The following VPS8 variants were observed in gnomAD, a reference collection of about 807,000 sequenced individuals.
VPS8 encodes the protein VPS8 subunit of CORVET complex.
In VPS8, 129 loss-of-function variants were observed where a neutral mutation model predicts 216.4. The observed-to-expected ratio is 0.60, with a 90% CI of 0.52 to 0.69. VPS8 has a LOEUF of 0.69. VPS8 is among the 30% of genes least tolerant of loss of function. The pLI, the probability that VPS8 is intolerant of heterozygous loss-of-function variation, is 0.00. For synonymous variants in VPS8, 571 were observed against 565.4 expected, an observed-to-expected ratio of 1.01 and a Z score of -0.14; for missense variants, 1,531 against 1,683.5, an observed-to-expected ratio of 0.91 and a Z score of 1.59.
rs569175323 is a variant in VPS8, at chr3:184,830,793, C to A, written c.223-1896C>A. ...CTTTTCCTACAGCAATCGTTCCAAT[C>A]TTTATAGCACTTAAGCAACATAATG... On this transcript the variant is annotated intron_variant, in intron 3 of 47. Coordinates refer to ENST00000625842, the MANE Select transcript of VPS8 (RefSeq NM_001009921.3). Among the ~76,000 whole-genome samples, 5 of 152,322 alleles carry A rather than the reference C, an allele frequency of 3.3e-5. No homozygotes were observed. The South Asian group carries it at 1.0e-3, about 32-fold the overall frequency.
chr3:184,980,561 G>T (rs1392933284), intron 40 of VPS8, among the ~76,000 whole-genome samples: 2 of 151,600 alleles, frequency 1.3e-5, no homozygotes, highest in Admixed American at 6.6e-5. Context: ...TTTATTTGAA[G>T]AACTGGTCTT....
At chr3:184,928,420 G>A in intron 31 of VPS8, 31 bp from the exon 32 acceptor site, 1 of 1,511,178 alleles carries the variant, frequency 6.6e-7, no homozygotes, top group Non-Finnish European at 8.8e-7. Flanking sequence ...AAATTCTCAA[G>A]TGTTTTTACT....
intron 34 of VPS8, among the ~76,000 whole-genome samples, chr3:184,931,598 A>T (rs75036243): frequency 0.031 from 4,792 of 152,260 alleles, 265 homozygotes; most frequent in African/African-American, 0.11. Context: ...TTGTGAAATA[A>T]CTGGCACGAA....
intron 42 of VPS8, among the ~76,000 whole-genome samples, chr3:184,984,538 C>T (rs1668882818): frequency 6.6e-6 from 1 of 151,980 alleles, no homozygotes; most frequent in South Asian, 2.1e-4. Context: ...GGTGATCCGC[C>T]CGCCTCAGCC....
intron 40 of VPS8, chr3:184,982,289 G>C (rs1750337007): frequency 2.7e-6 from 1 of 366,656 alleles, no homozygotes; most frequent in Non-Finnish European, 4.9e-6. Flanking sequence ...TAAGATTGCA[G>C]TTCCGAGGCC....
Position 184,924,937 on chromosome 3 carries a change from A to G in VPS8, c.2530A>G (p.Lys844Glu). ...LFTFLARQLAKPDNTLFVNRT... is the reference protein window; with the variant it reads ...LFTFLARQLAEPDNTLFVNRT... ...TACCTTCCTTGCTCGGCAGCTTGCA[A>G]AGCCTGACAACACCTTGTTTGTAAA... Residue 844 changes from lysine to glutamate, a missense_variant, in exon 30 of 48, where the codon AAG becomes GAG. By Grantham distance (56) the Lys-to-Glu change is moderately conservative. Around this residue, in one of 3 missense-constraint regions of VPS8, gnomAD observed 1,318 missense variants for 1,468.4 expected, o/e 0.90. Coordinates refer to ENST00000625842, the MANE Select transcript of VPS8 (RefSeq NM_001009921.3). The G allele has an allele frequency of 6.2e-7, 1 of 1,613,796 alleles. No homozygotes were observed. The highest frequency in any genetic ancestry group is 1.1e-5 in the South Asian group (1 of 91,068).
In VPS8 at chr3:184,973,152, A is replaced by T. The variant is rs143889729; in HGVS notation, c.3420+1400A>T. On this transcript the variant is annotated intron_variant, in intron 40 of 47. Transcript: ENST00000625842. ...AGAAACTGTCTGTGAAATGATACAT[A>T]CTCATCATTTTTAAAAATCATGAAA... Among the ~76,000 whole-genome samples the T allele has an allele frequency of 5.3e-5, 8 of 152,328 alleles. No individual in the cohort carries two copies. In the East Asian group the frequency reaches 1.5e-3, roughly 29 times the overall value.
chr3:184,955,286 C>T (rs1253039181), intron 36 of VPS8, among the ~76,000 whole-genome samples: 1 of 152,182 alleles, frequency 6.6e-6, no homozygotes, highest in African/African-American at 2.4e-5. Context: ...CCTGGTTCCT[C>T]TTTGAAGTTC....
intron 36 of VPS8, among the ~76,000 whole-genome samples, chr3:184,953,699 T>C (rs1745109675): frequency 6.6e-6 from 1 of 152,216 alleles, no homozygotes; most frequent in African/African-American, 2.4e-5. Context: ...CTTGTGGCTC[T>C]AACCTACTTG....
At chr3:184,927,435 A>G (rs1421082134) in intron 31 of VPS8, among the ~76,000 whole-genome samples, 1 of 152,170 alleles carries the variant, frequency 6.6e-6, no homozygotes, top group South Asian at 2.1e-4. Context: ...AGAGTATCCT[A>G]GGTAAAAGAA....
intron 7 of VPS8, 194 bp downstream of exon 7, chr3:184,839,946 T>A (rs1016781080): frequency 1.2e-5 from 16 of 1,315,736 alleles, no homozygotes; most frequent in Middle Eastern, 2.9e-4. Context: ...TATTGCAAGT[T>A]TATTTTCTTC....
chr3:185,031,838 C>T (rs1213035343), intron 46 of VPS8, among the ~76,000 whole-genome samples: 1 of 152,144 alleles, frequency 6.6e-6, no homozygotes, highest in Non-Finnish European at 1.5e-5. Context: ...TCCCTTGAAG[C>T]ATTAAAATCT....
At chr3:185,024,237 C>T in intron 45 of VPS8, 99 bp from the exon 46 acceptor site, 1 of 1,089,578 alleles carries the variant, frequency 9.2e-7, no homozygotes, top group Non-Finnish European at 1.3e-6. Context: ...TCTGTTTTAT[C>T]TTAGTTATAC....
chr3:184,893,250 A>C (rs1308538544), intron 22 of VPS8: 2 of 1,286,212 alleles, frequency 1.6e-6, no homozygotes, highest in Admixed American at 4.7e-5. Flanking sequence ...AGATGAGTCA[A>C]AACCCCATCC....
intron 39 of VPS8, among the ~76,000 whole-genome samples, chr3:184,968,681 G>C (rs1179268308): frequency 1.3e-5 from 2 of 152,078 alleles, no homozygotes; most frequent in African/African-American, 2.4e-5. Flanking sequence ...TTGGAGAAAT[G>C]TCTATTCAAG....
chr3:184,996,705 G>T (rs143473102), intron 44 of VPS8, among the ~76,000 whole-genome samples: 6 of 152,152 alleles, frequency 3.9e-5, no homozygotes, highest in Non-Finnish European at 7.4e-5. Context: ...AAGAGCTATG[G>T]AGAAAAATAA....
chr3:184,998,541 C>CGAGA lies in VPS8; in HGVS notation c.3837-1142_3837-1139dup, dbSNP rs368578170. 2.0e-3 allele frequency among the ~76,000 whole-genome samples: 132 copies of CGAGA among 66,680 alleles called. 1 individual carries two copies. Among genetic ancestry groups the CGAGA allele is most frequent in the Non-Finnish European group, 3.0e-3 (97 of 32,494 alleles). 43.7% of individuals were successfully genotyped at this position (66,680 alleles called of 152,430 possible). On this transcript the variant is annotated intron_variant, in intron 44 of 47. Transcript: ENST00000625842. ...TATATATATATATATATATATATAG[C>CGAGA]GAGAGAGAGAGAGAGAAGGGAAGAA...
chr3:184,832,290 G>T (rs189248143), intron 3 of VPS8, among the ~76,000 whole-genome samples: 1 of 152,154 alleles, frequency 6.6e-6, no homozygotes, highest in Non-Finnish European at 1.5e-5. Context: ...ATGCCTTTCT[G>T]CTGTCTGCTT....
intron 35 of VPS8, 60 bp from the exon 36 acceptor site, chr3:184,940,137 G>A: frequency 9.6e-7 from 1 of 1,037,876 alleles, no homozygotes; most frequent in Non-Finnish European, 1.4e-6. Context: ...TCTTTACCAT[G>A]GAATATTTGA....
Sources: allele counts gnomAD v4.1 joint callset (sites outside exome capture counted in the v4.1 genomes callset), GRCh38; gene constraint gnomAD v4.1.1; regional missense constraint gnomAD v4.1.1; transcripts MANE v1.5; gene names NCBI Gene and HGNC (gene_info 2026-07-23, HGNC 2026-07-21).